The following ING1 variants were observed in gnomAD, a reference collection of about 807,000 sequenced individuals.
ING1 encodes inhibitor of growth protein 1.
ING1 carries 4 observed loss-of-function variants against 23.1 expected under a neutral mutation model. That is an observed-to-expected ratio of 0.17 (90% CI 0.09 to 0.40). The LOEUF (loss-of-function observed/expected upper bound fraction) is 0.40. ING1 is among the 10% of genes least tolerant of loss of function. The pLI is 1.00. For missense variants in ING1, 256 were observed against 393.8 expected, an observed-to-expected ratio of 0.65 and a Z score of 2.96; for synonymous variants, 179 against 166.4, an observed-to-expected ratio of 1.08 and a Z score of -0.58.
upstream of ING1, chr13:110,713,635 G>T (rs1032583906): frequency 2.8e-4 from 275 of 985,124 alleles, no homozygotes; most frequent in Non-Finnish European, 3.3e-4. Flanking sequence ...CGGGGGAGGG[G>T]GCCGGGGCGC....
intron 1 of ING1, among the ~76,000 whole-genome samples, chr13:110,718,915 T>G (rs1403351171): frequency 6.6e-6 from 1 of 152,230 alleles, no homozygotes; most frequent in Admixed American, 6.5e-5. Context: ...AAACGTTTCC[T>G]CTTAATGGCT....
upstream of ING1, chr13:110,713,061 G>T: frequency 6.9e-7 from 1 of 1,459,486 alleles, no homozygotes; most frequent in East Asian, 2.5e-5. Context: ...TTCCGCCCGT[G>T]CCCGGCCCTC....
At chr13:110,712,865 C>T, upstream of ING1, 1 of 1,296,168 alleles carries the variant, frequency 7.7e-7, no homozygotes, top group Non-Finnish European at 1.1e-6. Flanking sequence ...CCTTTGTCTC[C>T]AAGCCGTTCC....
rs1195970009 is a variant in ING1 at position 110,721,846 on chromosome 13, ACAGGCGTGAGCCACCGTGCG to A, written c.*1916_*1935del. On this transcript the variant is annotated 3_prime_UTR_variant, in exon 2 of 2. Transcript: ENST00000333219. ...CTCGGCCTCCCACAGTGCTGGGATT[ACAGGCGTGAGCCACCGTGCG>A]CTGAGTGATACGTGGTTCCCTTTAA... The A allele has an allele frequency of 6.6e-6, 1 of 152,246 alleles. No homozygotes were observed. The allele number at this position is 152,246 out of a possible 1,614,324, so 9.4% of individuals were successfully genotyped here.
upstream of ING1, chr13:110,713,227 C>T (rs1265296150): frequency 4.2e-6 from 6 of 1,414,184 alleles, no homozygotes; most frequent in East Asian, 5.1e-5. Flanking sequence ...CTGTTTCGGG[C>T]CCTACTTATA....
At chr13:110,712,821 G>T (rs755418282), upstream of ING1, 15 of 868,942 alleles carry the variant, frequency 1.7e-5, no homozygotes, top group South Asian at 2.0e-4. Flanking sequence ...CTCTTCTGGG[G>T]CTCGGCACTA....
rs1445478759 is a variant in ING1, at chr13:110,720,147, G to GAAACTAC, written c.*219_*225dup. On this transcript the variant is annotated 3_prime_UTR_variant, in exon 2 of 2. Transcript: ENST00000333219. Reference sequence around the variant, plus strand: ...AAGTGGTCTGTGGATCAGCATTTTAGAAACTACAAATATAGGTTTGATTCA... The same window carrying GAAACTAC: ...AAGTGGTCTGTGGATCAGCATTTTAGAAACTACAAACTACAAATATAGGTTTGATTCA... 3 of 417,604 alleles carry GAAACTAC rather than the reference G, an allele frequency of 7.2e-6. No homozygotes were observed. Among genetic ancestry groups the GAAACTAC allele is most frequent in the Non-Finnish European group, 1.3e-5 (3 of 228,754 alleles). 25.9% of individuals were successfully genotyped at this position (417,604 alleles called of 1,614,324 possible). A position where few individuals can be genotyped will look rare whatever the true frequency, so the allele number is the denominator to read the frequency against.
At chr13:110,714,704 G>A (rs977247318) in intron 1 of ING1, among the ~76,000 whole-genome samples, 1 of 152,188 alleles carries the variant, frequency 6.6e-6, no homozygotes, top group Non-Finnish European at 1.5e-5. Flanking sequence ...GCTGTGGGCC[G>A]GGGTTCCCGC....
intron 1 of ING1, chr13:110,714,863 C>T (rs2064091684): frequency 1.8e-6 from 1 of 562,084 alleles, no homozygotes; most frequent in Non-Finnish European, 2.3e-6. Flanking sequence ...CCCTCCGGCC[C>T]TCACTTGGAG....
Position 110,722,331 on chromosome 13 carries a change from A to G in ING1, c.*2399A>G, listed in dbSNP as rs1040905720. On this transcript the variant is annotated 3_prime_UTR_variant, in exon 2 of 2. Transcript: ENST00000333219. ...ATAAGTTATGAAACTAAAATACTTA[A>G]TAAACATCCAGTGACAATAAAAATA... 1 of 152,266 alleles carries G rather than the reference A, an allele frequency of 6.6e-6. No homozygotes were observed. Among genetic ancestry groups the G allele is most frequent in the Non-Finnish European group, 1.5e-5 (1 of 68,048 alleles). 9.4% of individuals were successfully genotyped at this position (152,266 alleles called of 1,614,324 possible).
At chr13:110,713,411 G>T, upstream of ING1, 1 of 1,014,898 alleles carries the variant, frequency 9.9e-7, no homozygotes, top group Non-Finnish European at 1.2e-6. Flanking sequence ...CCGCCCAACA[G>T]GCTCTGCCTC....
In ING1 at chr13:110,722,601, A is replaced by C. The variant is rs1216729187; in HGVS notation, c.*2669A>C. The C allele has an allele frequency of 6.6e-6, 1 of 152,192 alleles. No individual in the cohort carries two copies. Among genetic ancestry groups the C allele is most frequent in the African/African-American group, 2.4e-5 (1 of 41,448 alleles). The allele number at this position is 152,192 out of a possible 1,614,324, so 9.4% of individuals were successfully genotyped here. ...CTTGATCTTGAATAAATTGCTTAACAGTTGGTCTATAGTTCTACACTTTTA... is the reference window on the plus strand; with the variant it reads ...CTTGATCTTGAATAAATTGCTTAACCGTTGGTCTATAGTTCTACACTTTTA... On this transcript the variant is annotated 3_prime_UTR_variant, in exon 2 of 2. Coordinates refer to ENST00000333219, the MANE Select transcript of ING1 (RefSeq NM_198219.3).
At chr13:110,713,106 T>C (rs2064055582), upstream of ING1, 11 of 1,437,430 alleles carry the variant, frequency 7.7e-6, no homozygotes, top group Non-Finnish European at 1.0e-5. Context: ...CTTGGGTTTC[T>C]AGTAGTAAGA....
At chr13:110,713,464 G>T, upstream of ING1, 1 of 990,372 alleles carries the variant, frequency 1.0e-6, no homozygotes. Context: ...CTCGCCCGCC[G>T]TCCACACCCC....
rs768845466 is a variant in ING1 at position 110,715,923 on chromosome 13, C to T, written c.136+1638C>T. On this transcript the variant is annotated intron_variant, in intron 1 of 1. Transcript: ENST00000333219. ...GCCGGGGCTGCAGTTCGGACCGCCT[C>T]CCGCGACCCGCGGGGCCGGCTCGGA... 1.9e-4 allele frequency: 294 copies of T among 1,566,714 alleles called. 3 individuals are homozygous for T. Among genetic ancestry groups the T allele is most frequent in the Non-Finnish European group, 2.2e-4 (252 of 1,163,936 alleles).
chr13:110,714,311 G>C, intron 1 of ING1, 26 bp downstream of exon 1: 1 of 1,532,542 alleles, frequency 6.5e-7, no homozygotes. Flanking sequence ...GGATGGGCGG[G>C]GGCGGCCGCC....
At chr13:110,714,915 C>A (rs1398030742) in intron 1 of ING1, 2 of 923,562 alleles carry the variant, frequency 2.2e-6, no homozygotes, top group African/African-American at 3.6e-5. Context: ...GCGACGCCGC[C>A]GGTTGTAGTT....
chr13:110,721,760 G>C lies in ING1; in HGVS notation c.*1828G>C, dbSNP rs1455572700. 1 of 151,734 alleles carries C rather than the reference G, an allele frequency of 6.6e-6. No individual in the cohort carries two copies. Among genetic ancestry groups the C allele is most frequent in the East Asian group, 1.9e-4 (1 of 5,166 alleles). The allele number at this position is 151,734 out of a possible 1,614,324, so 9.4% of individuals were successfully genotyped here. A position where few individuals can be genotyped will look rare whatever the true frequency, so the allele number is the denominator to read the frequency against. ...CCAGCTAATTTTTGTATTTTTAGTA[G>C]AGATGGGTTTTCACCATGTTGGCCA... On this transcript the variant is annotated 3_prime_UTR_variant, in exon 2 of 2. Transcript: ENST00000333219.
At chr13:110,713,174 A>G, upstream of ING1, 2 of 1,427,768 alleles carry the variant, frequency 1.4e-6, no homozygotes, top group Non-Finnish European at 1.8e-6. Flanking sequence ...TTGGGCTGTC[A>G]AAGTGATGTT....
Sources: gnomAD v4.1 joint callset for allele counts (sites outside exome capture counted in the v4.1 genomes callset) on GRCh38, gnomAD v4.1.1 for gene constraint, MANE v1.5 for transcripts, NCBI Gene and HGNC (gene_info 2026-07-23, HGNC 2026-07-21) for gene names.